Variants in CAMK2D observed in about 807,000 individuals in gnomAD.
The protein encoded by CAMK2D is calcium/calmodulin-dependent protein kinase type II subunit delta.
In CAMK2D, 37 loss-of-function variants were observed where a neutral mutation model predicts 84.0. The ratio of observed to expected loss-of-function variants is 0.44; its 90% CI spans 0.34 to 0.58. The LOEUF is 0.58. CAMK2D is among the 20% of genes least tolerant of loss of function. CAMK2D has a pLI of 0.02. For missense variants in CAMK2D, 448 were observed against 652.5 expected (o/e 0.69, Z 3.41); for synonymous variants, 202 against 212.5 (o/e 0.95, Z 0.43).
chr4:113,668,151 C>G (rs1326792029), intron 2 of CAMK2D, among the ~76,000 whole-genome samples: 1 of 152,026 alleles, frequency 6.6e-6, no homozygotes, highest in East Asian at 1.9e-4. Context: ...AAAAAAGAAC[C>G]AAGCCTCTAC....
intron 4 of CAMK2D, among the ~76,000 whole-genome samples, chr4:113,566,395 T>C (rs2098724082): frequency 6.6e-6 from 1 of 152,244 alleles, no homozygotes; most frequent in Non-Finnish European, 1.5e-5. Flanking sequence ...GTCATTTTTT[T>C]TCTTTGACTC....
chr4:113,761,109 C>G lies in CAMK2D; in HGVS notation c.-41G>C, dbSNP rs768807375. On this transcript the variant is annotated 5_prime_UTR_variant, in exon 1 of 21. Coordinates refer to ENST00000511664, the MANE Select transcript of CAMK2D (RefSeq NM_001321571.2). ...TGCCCTGGCTGGGAGCGCGACGGAC[C>G]AGAAGCGAGCAGACGCGCGGCTAAC... The G allele has an allele frequency of 6.2e-7, 1 of 1,612,798 alleles. No homozygotes were observed. The highest frequency in any genetic ancestry group is 8.5e-7 in the Non-Finnish European group (1 of 1,179,924).
In CAMK2D at chr4:113,761,673, G is replaced by A; in HGVS notation, c.-605C>T. 1 of 984,784 alleles carries A rather than the reference G, an allele frequency of 1.0e-6. No homozygotes were observed. The highest frequency in any genetic ancestry group is 1.1e-4 in the East Asian group (1 of 8,764). The allele number at this position is 984,784 out of a possible 1,614,324, so 61.0% of individuals were successfully genotyped here. A position where few individuals can be genotyped will look rare whatever the true frequency, so the allele number is the denominator to read the frequency against. ...GGCGGCAGCGGCTCCGGCGAAGCGAGGCACCTTGGCGGCCTCGCGCTGCTC... is the reference window on the plus strand; with the variant it reads ...GGCGGCAGCGGCTCCGGCGAAGCGAAGCACCTTGGCGGCCTCGCGCTGCTC... On this transcript the variant is annotated 5_prime_UTR_variant, in exon 1 of 21. Transcript: ENST00000511664.
At chr4:113,476,220 G>A (rs1333786036) in intron 16 of CAMK2D, among the ~76,000 whole-genome samples, 3 of 152,078 alleles carry the variant, frequency 2.0e-5, no homozygotes, top group Admixed American at 1.3e-4. Context: ...TTTCTCAGAT[G>A]TCAGACCATT....
At chr4:113,745,928 G>A (rs1193350607) in intron 2 of CAMK2D, among the ~76,000 whole-genome samples, 1 of 152,144 alleles carries the variant, frequency 6.6e-6, no homozygotes, top group East Asian at 1.9e-4. Flanking sequence ...ATGCCACACG[G>A]GGATGGCAGG....
intron 16 of CAMK2D, among the ~76,000 whole-genome samples, chr4:113,483,320 T>C (rs555077991): frequency 6.6e-6 from 1 of 152,234 alleles, no homozygotes; most frequent in South Asian, 2.1e-4. Context: ...CAAATAGAGG[T>C]CTCTTTGTTA....
chr4:113,528,913 C>G (rs1466833626), intron 8 of CAMK2D, among the ~76,000 whole-genome samples: 1 of 152,086 alleles, frequency 6.6e-6, no homozygotes, highest in Non-Finnish European at 1.5e-5. Flanking sequence ...TAATTCAAGG[C>G]ATTTTAGAGT....
intron 2 of CAMK2D, among the ~76,000 whole-genome samples, chr4:113,717,575 T>G (rs560054008): frequency 6.6e-6 from 1 of 151,996 alleles, no homozygotes; most frequent in Admixed American, 6.6e-5. Flanking sequence ...CAAAAGTGAG[T>G]GTTAAGGTAA....
intron 6 of CAMK2D, among the ~76,000 whole-genome samples, chr4:113,544,342 T>C (rs1288056886): frequency 6.6e-6 from 1 of 152,190 alleles, no homozygotes; most frequent in Non-Finnish European, 1.5e-5. Context: ...CCACAAATTA[T>C]TGTGGATGTT....
intron 16 of CAMK2D, among the ~76,000 whole-genome samples, chr4:113,470,078 CCTT>C (rs1243242746): frequency 2.6e-5 from 4 of 152,088 alleles, no homozygotes; most frequent in Non-Finnish European, 5.9e-5. Context: ...TCTTCTAAAA[CCTT>C]CTCACTGCTC....
chr4:113,545,574 G>A (rs1429520753), intron 6 of CAMK2D, among the ~76,000 whole-genome samples: 1 of 152,044 alleles, frequency 6.6e-6, no homozygotes, highest in Non-Finnish European at 1.5e-5. Flanking sequence ...GGTATAAAAG[G>A]CACAAAACAA....
At chr4:113,675,864 G>T (rs541569519) in intron 2 of CAMK2D, among the ~76,000 whole-genome samples, 1 of 152,102 alleles carries the variant, frequency 6.6e-6, no homozygotes, top group South Asian at 2.1e-4. Flanking sequence ...CTTGTCTTTG[G>T]GTAAGCCAAG....
At chr4:113,642,709 A>C (rs1248539113) in intron 3 of CAMK2D, among the ~76,000 whole-genome samples, 3 of 152,174 alleles carry the variant, frequency 2.0e-5, no homozygotes, top group Non-Finnish European at 1.5e-5. Context: ...AGCTGGTTAG[A>C]ACAAGGGACA....
At chr4:113,506,644 T>A (rs764282335) in intron 13 of CAMK2D, among the ~76,000 whole-genome samples, 1 of 152,296 alleles carries the variant, frequency 6.6e-6, no homozygotes, top group Non-Finnish European at 1.5e-5. Context: ...AGGCAAAACA[T>A]AGCCGGCTTC....
At chr4:113,698,312 T>C (rs1298471855) in intron 2 of CAMK2D, among the ~76,000 whole-genome samples, 2 of 152,068 alleles carry the variant, frequency 1.3e-5, no homozygotes, top group African/African-American at 4.8e-5. Context: ...CTATATTCCA[T>C]ATCAATGCTC....
chr4:113,484,223 T>C (rs2097738632), intron 16 of CAMK2D, among the ~76,000 whole-genome samples: 1 of 152,198 alleles, frequency 6.6e-6, no homozygotes, highest in African/African-American at 2.4e-5. Flanking sequence ...TACCCAGCCA[T>C]GGAATTTAGT....
intron 16 of CAMK2D, among the ~76,000 whole-genome samples, chr4:113,482,145 A>G (rs2097708087): frequency 6.6e-6 from 1 of 152,230 alleles, no homozygotes; most frequent in Non-Finnish European, 1.5e-5. Context: ...GTGTAACTCT[A>G]TTCTCTGTTG....
chr4:113,537,111 G>A (rs1252057900), intron 7 of CAMK2D, among the ~76,000 whole-genome samples: 1 of 152,120 alleles, frequency 6.6e-6, no homozygotes, highest in African/African-American at 2.4e-5. Flanking sequence ...GAAGAAAAAA[G>A]TGTATGTCTT....
chr4:113,761,444 T>G lies in CAMK2D; in HGVS notation c.-376A>C. 1 of 1,172,528 alleles carries G rather than the reference T, an allele frequency of 8.5e-7. No homozygotes were observed. Among genetic ancestry groups the G allele is most frequent in the East Asian group, 5.7e-5 (1 of 17,508 alleles). 72.6% of individuals were successfully genotyped at this position (1,172,528 alleles called of 1,614,324 possible). ...CAGGCACGGGACGAGTGGCAAGCAG[T>G]TGCGAAACGATCCGCACTGGAGCAG... is the stretch of plus-strand genomic sequence containing the variant. On this transcript the variant is annotated 5_prime_UTR_variant, in exon 1 of 21. Transcript: ENST00000511664.
Sources: allele counts gnomAD v4.1 joint callset (sites outside exome capture counted in the v4.1 genomes callset), GRCh38; gene constraint gnomAD v4.1.1; transcripts MANE v1.5; gene names NCBI Gene and HGNC (gene_info 2026-07-23, HGNC 2026-07-21).